NEGR1: variants seen among roughly 807,000 people sequenced by gnomAD.
NEGR1 encodes the protein neuronal growth regulator 1.
Under a neutral mutation model 40.9 loss-of-function variants are expected in NEGR1, and 10 were observed. That is an observed-to-expected ratio of 0.24 (90% CI 0.15 to 0.42). NEGR1 has a LOEUF of 0.42. Ranked by LOEUF, NEGR1 falls within the 10% of genes least tolerant of loss-of-function variation. NEGR1 has a pLI of 1.00. For synonymous variants in NEGR1, 185 were observed against 166.8 expected (o/e 1.11, Z -0.84); for missense variants, 352 against 438.9 (o/e 0.80, Z 1.77).
At chr1:71,829,634 C>G (rs183133572) in intron 2 of NEGR1, among the ~76,000 whole-genome samples, 1 of 151,462 alleles carries the variant, frequency 6.6e-6, no homozygotes, top group East Asian at 2.0e-4. Context: ...CTAGGAAAAA[C>G]AAAAAACAAA....
chr1:72,031,130 T>C (rs1646854657), intron 1 of NEGR1, among the ~76,000 whole-genome samples: 1 of 152,154 alleles, frequency 6.6e-6, no homozygotes, highest in South Asian at 2.1e-4. Context: ...TGGTTTGAAA[T>C]TGGACCTTTC....
intron 4 of NEGR1, among the ~76,000 whole-genome samples, chr1:71,672,983 C>A (rs1356543858): frequency 6.6e-6 from 1 of 152,122 alleles, no homozygotes; most frequent in African/African-American, 2.4e-5. Context: ...TGCCTGTAAT[C>A]CCAGCACTTT....
chr1:72,056,405 T>C (rs570562148), intron 1 of NEGR1, among the ~76,000 whole-genome samples: 5 of 151,538 alleles, frequency 3.3e-5, no homozygotes, highest in African/African-American at 9.6e-5. Flanking sequence ...AAAGAGAGAT[T>C]CCTGGCTGGA....
chr1:71,652,114 A>G (rs1651736517), intron 4 of NEGR1, among the ~76,000 whole-genome samples: 1 of 152,208 alleles, frequency 6.6e-6, no homozygotes, highest in Non-Finnish European at 1.5e-5. Flanking sequence ...AGCATATTAA[A>G]AACCAAGATA....
At position 71,404,164 on chromosome 1, in the gene NEGR1, A is replaced by AT. The variant is rs1039780773; in HGVS notation, c.*3281dup. The AT allele has an allele frequency of 3.8e-3, 513 of 135,094 alleles. 2 individuals are homozygous for AT. Among genetic ancestry groups the AT allele is most frequent in the Middle Eastern group, 6.8e-3 (2 of 294 alleles). The allele number at this position is 135,094 out of a possible 1,614,324, so 8.4% of individuals were successfully genotyped here. On this transcript the variant is annotated 3_prime_UTR_variant, in exon 7 of 7. Transcript: ENST00000357731. ...TGTAGGGGTATTTATATATATATAT[A>AT]TTTTTTTTTTTCCCTGAATTACCTG...
intron 4 of NEGR1, among the ~76,000 whole-genome samples, chr1:71,676,895 T>C (rs772607030): frequency 1.1e-4 from 16 of 152,168 alleles, no homozygotes; most frequent in Non-Finnish European, 1.9e-4. Flanking sequence ...CCCAGCATAT[T>C]AAGACTGAGG....
intron 2 of NEGR1, among the ~76,000 whole-genome samples, chr1:71,927,814 T>A (rs1570512797): frequency 1.9e-5 from 1 of 52,170 alleles, no homozygotes; most frequent in African/African-American, 1.2e-4. Context: ...CAAGACCCAA[T>A]CTCTAAAAAA....
chr1:71,544,225 AT>A (rs1194731425), intron 6 of NEGR1, among the ~76,000 whole-genome samples: 1 of 151,684 alleles, frequency 6.6e-6, no homozygotes, highest in Non-Finnish European at 1.5e-5. Context: ...AGTAGTATAT[AT>A]TTTTTGCTAA....
chr1:71,603,187 G>C (rs1165104702), intron 5 of NEGR1, among the ~76,000 whole-genome samples: 1 of 152,198 alleles, frequency 6.6e-6, no homozygotes, highest in African/African-American at 2.4e-5. Context: ...GAATGAAGAA[G>C]TGAAATCTGA....
chr1:72,070,555 G>A (rs1647418757), intron 1 of NEGR1, among the ~76,000 whole-genome samples: 1 of 151,964 alleles, frequency 6.6e-6, no homozygotes, highest in South Asian at 2.1e-4. Flanking sequence ...TAATAAAAAT[G>A]TATAGATTCT....
intron 1 of NEGR1, among the ~76,000 whole-genome samples, chr1:72,162,849 T>G (rs1448369469): frequency 1.3e-5 from 2 of 152,254 alleles, no homozygotes; most frequent in East Asian, 3.9e-4. Context: ...CAACAAATAC[T>G]TTTTTGCATA....
chr1:72,166,913 G>C (rs1651786718), intron 1 of NEGR1, among the ~76,000 whole-genome samples: 1 of 151,886 alleles, frequency 6.6e-6, no homozygotes, highest in South Asian at 2.1e-4. Flanking sequence ...CAAAAACAAA[G>C]TATAAAATAA....
At chr1:72,271,025 C>T (rs562849285) in intron 1 of NEGR1, among the ~76,000 whole-genome samples, 1 of 151,928 alleles carries the variant, frequency 6.6e-6, no homozygotes, top group East Asian at 1.9e-4. Context: ...AATCCGTGTA[C>T]TTCTGTTGTG....
intron 5 of NEGR1, among the ~76,000 whole-genome samples, chr1:71,599,673 TTATAA>T (rs1210288772): frequency 2.6e-5 from 4 of 152,228 alleles, no homozygotes; most frequent in South Asian, 2.1e-4. Flanking sequence ...ATTAATGTTA[TTATAA>T]TATATTAGAA....
intron 2 of NEGR1, among the ~76,000 whole-genome samples, chr1:71,836,351 C>T (rs1482434177): frequency 6.6e-6 from 1 of 151,288 alleles, no homozygotes; most frequent in Non-Finnish European, 1.5e-5. Context: ...GCTGCTTGAA[C>T]CTGTGAAGCA....
intron 1 of NEGR1, among the ~76,000 whole-genome samples, chr1:71,957,978 T>A (rs1308736580): frequency 6.6e-6 from 1 of 152,188 alleles, no homozygotes; most frequent in Non-Finnish European, 1.5e-5. Context: ...GCCTGAAATG[T>A]CCTCATTGTA....
At chr1:71,988,759 C>A (rs1250073549) in intron 1 of NEGR1, among the ~76,000 whole-genome samples, 1 of 151,240 alleles carries the variant, frequency 6.6e-6, no homozygotes, top group Non-Finnish European at 1.5e-5. Context: ...AACCACATGA[C>A]TAGAGAAATC....
intron 6 of NEGR1, among the ~76,000 whole-genome samples, chr1:71,583,806 T>A (rs1570064945): frequency 6.6e-6 from 1 of 152,186 alleles, no homozygotes. Context: ...GTGGACTGAT[T>A]AGTGACTTTA....
At chr1:71,952,362 G>C (rs1400872114) in intron 1 of NEGR1, among the ~76,000 whole-genome samples, 1 of 151,924 alleles carries the variant, frequency 6.6e-6, no homozygotes, top group Non-Finnish European at 1.5e-5. Context: ...GGTCTGGATA[G>C]AAGACCAAAC....
Sources: gnomAD v4.1 joint callset for allele counts (sites outside exome capture counted in the v4.1 genomes callset) on GRCh38, gnomAD v4.1.1 for gene constraint, MANE v1.5 for transcripts, NCBI Gene and HGNC (gene_info 2026-07-23, HGNC 2026-07-21) for gene names.